The following ARL8A variants were observed in gnomAD, a reference collection of about 807,000 sequenced individuals.
ARL8A encodes the protein ADP-ribosylation factor-like protein 8A.
A neutral mutation model predicts 31.2 loss-of-function variants in ARL8A; 10 were observed. The observed-to-expected ratio is 0.32, with a 90% CI of 0.20 to 0.54. ARL8A has a LOEUF of 0.54. Among genes scored for constraint, ARL8A ranks in the 20% least tolerant of loss-of-function variants. The pLI, the probability that ARL8A is intolerant of heterozygous loss-of-function variation, is 0.93. For missense variants in ARL8A, 129 were observed against 242.8 expected (o/e 0.53, Z 3.12); for synonymous variants, 70 against 86.9 (o/e 0.81, Z 1.08).
At chr1:202,139,943 C>T (rs1328287256) in intron 1 of ARL8A, among the ~76,000 whole-genome samples, 3 of 151,842 alleles carry the variant, frequency 2.0e-5, no homozygotes, top group Non-Finnish European at 2.9e-5. Flanking sequence ...CCACGGTGCC[C>T]GGCCAAGCCC....
chr1:202,138,419 G>A lies in ARL8A; in HGVS notation c.153C>T (p.Pro51=), dbSNP rs770924227. ...TTTTGCGCATGTTGAAACCCACGGT[G>A]GGGATCATGTCCTCGTTGAACTGTC... ...ASGQFNEDMI[P]TVGFNMRKIT... is the part of the protein sequence containing the mutation. The change falls in exon 2 of 7, where the codon CCC becomes CCT. Residue 51 remains proline (P), a synonymous_variant. Coordinates refer to ENST00000272217, the MANE Select transcript of ARL8A (RefSeq NM_138795.4). The surrounding 1 kb of genome is among the most constrained non-coding windows in gnomAD (Gnocchi z 4.4). 5.6e-6 allele frequency: 9 copies of A among 1,614,088 alleles called. No individual in the cohort carries two copies. The Admixed American group carries it at 1.5e-4, about 27-fold the overall frequency.
In ARL8A at chr1:202,138,627, C is replaced by T. The variant is rs1010641050; in HGVS notation, c.124-179G>A. On this transcript the variant is annotated intron_variant, in intron 1 of 6. Transcript: ENST00000272217. The surrounding 1 kb of genome is among the most constrained non-coding windows in gnomAD (Gnocchi z 4.4). ...TGGGCTATCACCAACCTATGTGTCC[C>T]GCCTACACCTGGGGATGCCCTGTGA... Among the ~76,000 whole-genome samples, 8 of 152,134 alleles carry T rather than the reference C, an allele frequency of 5.3e-5. No individual in the cohort carries two copies. Among genetic ancestry groups the T allele is most frequent in the South Asian group, 2.1e-4 (1 of 4,824 alleles).
At position 202,138,120 on chromosome 1, in the gene ARL8A, C is replaced by T. The variant is rs190355534; in HGVS notation, c.205-82G>A. On this transcript the variant is annotated intron_variant, in intron 2 of 6. Coordinates refer to ENST00000272217, the MANE Select transcript of ARL8A (RefSeq NM_138795.4). The surrounding 1 kb of genome is among the most constrained non-coding windows in gnomAD (Gnocchi z 4.4). ...TTGGGTCTCAAATGCCCCCTCCTAC[C>T]CTGCCCTACTCTCCTCTGCCTCCCC... The T allele has an allele frequency of 4.0e-5, 60 of 1,500,260 alleles. 1 individual carries two copies. The South Asian group carries it at 5.9e-4, about 15-fold the overall frequency. 92.9% of individuals were successfully genotyped at this position (1,500,260 alleles called of 1,614,324 possible).
intron 3 of ARL8A, among the ~76,000 whole-genome samples, chr1:202,137,099 G>A (rs1448743291): frequency 3.3e-5 from 5 of 151,456 alleles, no homozygotes; most frequent in Non-Finnish European, 7.4e-5. Context: ...CTCGTGATCC[G>A]CCCACCTCGG....
intron 3 of ARL8A, 128 bp downstream of exon 3, chr1:202,137,836 TG>T: frequency 9.8e-7 from 1 of 1,018,362 alleles, no homozygotes; most frequent in Non-Finnish European, 1.5e-6. Context: ...ACGCAGGCCC[TG>T]GACCGACACT....
chr1:202,144,558 G>A lies in ARL8A; in HGVS notation c.15C>T (p.Phe5=). The stretch of plus-strand genomic sequence containing the variant: ...CCTTGAACCAGTCCAGCAGCTTGTT[G>A]AACAAAGCGATCATGGTCGCTGCCG... MIAL[F]NKLLDWFKAL... is the part of the protein sequence containing the mutation. The change falls in exon 1 of 7, where the codon TTC becomes TTT. Residue 5 remains phenylalanine, a synonymous_variant. Coordinates refer to ENST00000272217, the MANE Select transcript of ARL8A (RefSeq NM_138795.4). This position sits in a 1 kb window ranked among gnomAD's most constrained non-coding sequence, Gnocchi z 5.2. 1 of 1,440,470 alleles carries A rather than the reference G, an allele frequency of 6.9e-7. No individual in the cohort carries two copies. The highest frequency in any genetic ancestry group is 9.3e-7 in the Non-Finnish European group (1 of 1,076,312). 89.2% of individuals were successfully genotyped at this position (1,440,470 alleles called of 1,614,324 possible).
Position 202,135,589 on chromosome 1 carries a change from GA to G in ARL8A, c.373-64del, listed in dbSNP as rs1654984376. On this transcript the variant is annotated intron_variant, in intron 4 of 6. Coordinates refer to ENST00000272217, the MANE Select transcript of ARL8A (RefSeq NM_138795.4). The surrounding 1 kb of genome is among the most constrained non-coding windows in gnomAD (Gnocchi z 5.3). ...GCCGTGCCCAGGTTGTCTGGGTGGT[GA>G]GCTGGCCTCCTGGGTCCCGTTTCCT... 22 of 1,591,316 alleles carry G rather than the reference GA, an allele frequency of 1.4e-5. No individual in the cohort carries two copies. In the South Asian group the frequency reaches 2.1e-4, roughly 15 times the overall value.
chr1:202,134,528 A>C lies in ARL8A; in HGVS notation c.512-12T>G, dbSNP rs752073439. On this transcript the variant is annotated splice_polypyrimidine_tract_variant and intron_variant, in intron 6 of 6. Coordinates refer to ENST00000272217, the MANE Select transcript of ARL8A (RefSeq NM_138795.4). This position sits in a 1 kb window ranked among gnomAD's most constrained non-coding sequence, Gnocchi z 4.2. The stretch of plus-strand genomic sequence containing the variant: ...CTGTAGGGTGATGTCTGATAGGAGA[A>C]AAGAGAACAGCTTATAAGGCCTGCA... 19 of 1,611,696 alleles carry C rather than the reference A, an allele frequency of 1.2e-5. No individual in the cohort carries two copies. The Middle Eastern group carries it at 1.8e-3, about 154-fold the overall frequency.
At chr1:202,143,836 C>A (rs1429980674) in intron 1 of ARL8A, among the ~76,000 whole-genome samples, 2 of 152,236 alleles carry the variant, frequency 1.3e-5, no homozygotes, top group African/African-American at 4.8e-5. Context: ...GGACCCCCGG[C>A]TAGACACTGC....
chr1:202,142,872 G>A (rs1252110747), intron 1 of ARL8A, among the ~76,000 whole-genome samples: 3 of 152,138 alleles, frequency 2.0e-5, no homozygotes, highest in Non-Finnish European at 4.4e-5. Context: ...CCTGGGGAAC[G>A]AGGAGATACC....
chr1:202,137,916 A>C (rs370797967), intron 3 of ARL8A, 49 bp downstream of exon 3: 18 of 1,604,304 alleles, frequency 1.1e-5, no homozygotes, highest in Non-Finnish European at 1.5e-5. Flanking sequence ...TAGCAGGGCT[A>C]GGGGGGCCGG....
In ARL8A at chr1:202,140,369, C is replaced by T. The variant is rs183387178; in HGVS notation, c.124-1921G>A. The stretch of plus-strand genomic sequence containing the variant: ...TGTTGGCCAGGATGGTTTCGATCTC[C>T]TGACCTCGTGATCCGCCCACCTCGG... On this transcript the variant is annotated intron_variant, in intron 1 of 6. Coordinates refer to ENST00000272217, the MANE Select transcript of ARL8A (RefSeq NM_138795.4). Among the ~76,000 whole-genome samples, 1,397 of 151,394 alleles carry T rather than the reference C, an allele frequency of 9.2e-3. 18 individuals are homozygous for T. The highest frequency in any genetic ancestry group is 0.032 in the African/African-American group (1,300 of 41,146).
Position 202,134,244 on chromosome 1 carries a change from CG to C in ARL8A, c.*222del. On this transcript the variant is annotated 3_prime_UTR_variant, in exon 7 of 7. Transcript: ENST00000272217. The surrounding 1 kb of genome is among the most constrained non-coding windows in gnomAD (Gnocchi z 4.2). ...GGGCTGGGTGATGGGACAAAGGCAG[CG>C]GGGAAGGGTGAGAAGTTAGGGGACC... 1.8e-6 allele frequency: 1 copy of C among 550,974 alleles called. No homozygotes were observed. The highest frequency in any genetic ancestry group is 3.3e-6 in the Non-Finnish European group (1 of 306,094). 34.1% of individuals were successfully genotyped at this position (550,974 alleles called of 1,614,324 possible). A position where few individuals can be genotyped will look rare whatever the true frequency, so the allele number is the denominator to read the frequency against.
Position 202,138,121 on chromosome 1 carries a change from C to G in ARL8A, c.205-83G>C. 2 of 1,484,372 alleles carry G rather than the reference C, an allele frequency of 1.3e-6. No individual in the cohort carries two copies. The highest frequency in any genetic ancestry group is 2.3e-5 in the South Asian group (2 of 87,304). 92.0% of individuals were successfully genotyped at this position (1,484,372 alleles called of 1,614,324 possible). The stretch of plus-strand genomic sequence containing the variant: ...TGGGTCTCAAATGCCCCCTCCTACC[C>G]TGCCCTACTCTCCTCTGCCTCCCCG... On this transcript the variant is annotated intron_variant, in intron 2 of 6. Transcript: ENST00000272217. This position sits in a 1 kb window ranked among gnomAD's most constrained non-coding sequence, Gnocchi z 4.4.
Position 202,144,567 on chromosome 1 carries a change from G to C in ARL8A, c.6C>G (p.Ile2Met), listed in dbSNP as rs1304274513. 2.1e-5 allele frequency: 30 copies of C among 1,429,906 alleles called. No homozygotes were observed. The highest frequency in any genetic ancestry group is 2.7e-5 in the Non-Finnish European group (29 of 1,070,654). The allele number at this position is 1,429,906 out of a possible 1,614,324, so 88.6% of individuals were successfully genotyped here. A position where few individuals can be genotyped will look rare whatever the true frequency, so the allele number is the denominator to read the frequency against. ...AGTCCAGCAGCTTGTTGAACAAAGC[G>C]ATCATGGTCGCTGCCGCCGGCCCCG... M[I>M]ALFNKLLDWF... is the part of the protein sequence containing the mutation. The change falls in exon 1 of 7, where the codon ATC (isoleucine) becomes ATG (methionine). Residue 2 changes from isoleucine to methionine, a missense_variant. Ile to Met is a conservative substitution (Grantham distance 10). Coordinates refer to ENST00000272217, the MANE Select transcript of ARL8A (RefSeq NM_138795.4). The surrounding 1 kb of genome is among the most constrained non-coding windows in gnomAD (Gnocchi z 5.2).
At position 202,135,743 on chromosome 1, in the gene ARL8A, G is replaced by C; in HGVS notation, c.336C>G (p.His112Gln). 1.2e-6 allele frequency: 2 copies of C among 1,614,162 alleles called. No homozygotes were observed. The highest frequency in any genetic ancestry group is 1.7e-6 in the Non-Finnish European group (2 of 1,180,028). The change falls in exon 4 of 7, where the codon CAC becomes CAG. Residue 112 changes from histidine to glutamine, a missense_variant. Physicochemically the swap from His to Gln is conservative, Grantham distance 24. Transcript: ENST00000272217. This position sits in a 1 kb window ranked among gnomAD's most constrained non-coding sequence, Gnocchi z 5.3. ...GCAGCTGAGGTTTGTCCAGTAGGTTGTGGAGCTCGTTCTTAGAGGCCTCAA... is the reference window on the plus strand; with the variant it reads ...GCAGCTGAGGTTTGTCCAGTAGGTTCTGGAGCTCGTTCTTAGAGGCCTCAA... The part of the protein sequence containing the change: ...EKIEASKNEL[H>Q]NLLDKPQLQG...
At chr1:202,143,718 A>G (rs1193186050) in intron 1 of ARL8A, among the ~76,000 whole-genome samples, 1 of 152,226 alleles carries the variant, frequency 6.6e-6, no homozygotes, top group African/African-American at 2.4e-5. Flanking sequence ...CCAAGGCCCC[A>G]GTGGGCCGTG....
In ARL8A at chr1:202,138,116, C is replaced by T. The variant is rs1571720430; in HGVS notation, c.205-78G>A. The T allele has an allele frequency of 6.7e-7, 1 of 1,498,032 alleles. No homozygotes were observed. The highest frequency in any genetic ancestry group is 9.2e-7 in the Non-Finnish European group (1 of 1,082,798). 92.8% of individuals were successfully genotyped at this position (1,498,032 alleles called of 1,614,324 possible). A position where few individuals can be genotyped will look rare whatever the true frequency, so the allele number is the denominator to read the frequency against. ...TGTCTTGGGTCTCAAATGCCCCCTCCTACCCTGCCCTACTCTCCTCTGCCT... is the reference window on the plus strand; with the variant it reads ...TGTCTTGGGTCTCAAATGCCCCCTCTTACCCTGCCCTACTCTCCTCTGCCT... On this transcript the variant is annotated intron_variant, in intron 2 of 6. Transcript: ENST00000272217. The surrounding 1 kb of genome is among the most constrained non-coding windows in gnomAD (Gnocchi z 4.4).
chr1:202,137,811 T>C (rs997951055), intron 3 of ARL8A, among the ~76,000 whole-genome samples, 154 bp downstream of exon 3: 1 of 152,136 alleles, frequency 6.6e-6, no homozygotes, highest in African/African-American at 2.4e-5. Context: ...AAGAAACAAG[T>C]GGCATGCAAA....
Sources: gnomAD v4.1 joint callset for allele counts (sites outside exome capture counted in the v4.1 genomes callset) on GRCh38, gnomAD v4.1.1 for gene constraint, Gnocchi (gnomAD v3.1) non-coding constraint, MANE v1.5 for transcripts, NCBI Gene and HGNC (gene_info 2026-07-23, HGNC 2026-07-21) for gene names.